The following BCL2L14 variants were observed in gnomAD, a reference collection of about 807,000 sequenced individuals.
BCL2L14 encodes apoptosis facilitator Bcl-2-like protein 14.
BCL2L14 carries 27 observed loss-of-function variants against 35.3 expected under a neutral mutation model. The ratio of observed to expected loss-of-function variants is 0.76; its 90% CI spans 0.56 to 1.05. The LOEUF (loss-of-function observed/expected upper bound fraction) is 1.05, where lower values mean the gene tolerates loss of function less well. Among genes scored for constraint, BCL2L14 ranks in the 50% least tolerant of loss-of-function variants. BCL2L14 has a pLI of 0.00. For missense variants in BCL2L14, 377 were observed against 382.6 expected, an observed-to-expected ratio of 0.99 and a Z score of 0.12; for synonymous variants, 139 against 145.9, an observed-to-expected ratio of 0.95 and a Z score of 0.34.
intron 1 of BCL2L14, among the ~76,000 whole-genome samples, chr12:12,078,716 A>G (rs1377042458): frequency 3.3e-5 from 5 of 152,134 alleles, no homozygotes; most frequent in Admixed American, 6.5e-5. Context: ...CTTTCTTTGA[A>G]GCTCACCTAT....
At chr12:12,088,120 G>A (rs1248664637) in intron 3 of BCL2L14, among the ~76,000 whole-genome samples, 1 of 152,188 alleles carries the variant, frequency 6.6e-6, no homozygotes, top group African/African-American at 2.4e-5. Flanking sequence ...AGGGAATCGA[G>A]GACATGGACA....
chr12:12,087,403 T>C lies in BCL2L14; in HGVS notation c.607+17T>C. 2 of 1,612,136 alleles carry C rather than the reference T, an allele frequency of 1.2e-6. No individual in the cohort carries two copies. Among genetic ancestry groups the C allele is most frequent in the Non-Finnish European group, 1.7e-6 (2 of 1,178,998 alleles). On this transcript the variant is annotated intron_variant, in intron 3 of 5. Transcript: ENST00000308721. ...CTAAGAAAGGTAAGCTTTCCTTCCC[T>C]GGGTGGAGTGTTTGCCAGGCAGGGG...
intron 4 of BCL2L14, among the ~76,000 whole-genome samples, chr12:12,093,858 G>A (rs1949252145): frequency 6.6e-6 from 1 of 151,392 alleles, no homozygotes; most frequent in Non-Finnish European, 1.5e-5. Context: ...ACTCATGCCT[G>A]TAATCCCAAC....
intron 2 of BCL2L14, among the ~76,000 whole-genome samples, chr12:12,086,499 G>A (rs762634983): frequency 2.6e-5 from 4 of 152,202 alleles, no homozygotes; most frequent in Non-Finnish European, 5.9e-5. Context: ...CCATTTCACC[G>A]TCCTATCTCA....
intron 1 of BCL2L14, among the ~76,000 whole-genome samples, chr12:12,075,439 T>A (rs1948761342): frequency 6.7e-6 from 1 of 149,486 alleles, no homozygotes; most frequent in Non-Finnish European, 1.5e-5. Flanking sequence ...CTTTCTTTTT[T>A]TTTTGAGACG....
intron 5 of BCL2L14, 69 bp downstream of exon 5, chr12:12,094,999 T>C (rs1410875866): frequency 6.5e-7 from 1 of 1,541,384 alleles, no homozygotes; most frequent in South Asian, 1.2e-5. Context: ...TTTTTTTTTT[T>C]TTTTAAATGA....
chr12:12,087,619 G>A (rs1269225491), intron 3 of BCL2L14, among the ~76,000 whole-genome samples: 1 of 152,246 alleles, frequency 6.6e-6, no homozygotes, highest in Admixed American at 6.5e-5. Context: ...AGAAAGGAAA[G>A]TCTCCTACAG....
intron 2 of BCL2L14, among the ~76,000 whole-genome samples, chr12:12,053,370 G>C (rs1055232626): frequency 6.6e-6 from 1 of 151,806 alleles, no homozygotes; most frequent in African/African-American, 2.4e-5. Flanking sequence ...CAGCTCAGGG[G>C]ACACAATCTA....
At chr12:12,089,062 A>C (rs1316351150) in intron 3 of BCL2L14, among the ~76,000 whole-genome samples, 1 of 152,200 alleles carries the variant, frequency 6.6e-6, no homozygotes, top group Non-Finnish European at 1.5e-5. Context: ...GACAGATCTT[A>C]CTCAGTGTAG....
At chr12:12,058,252 T>TC (rs1437654843) in intron 2 of BCL2L14, among the ~76,000 whole-genome samples, 1 of 144,990 alleles carries the variant, frequency 6.9e-6, no homozygotes, top group Non-Finnish European at 1.5e-5. Context: ...GTGCCCAGAC[T>TC]CTTTTTTTTT....
rs185649157 is a variant in BCL2L14, at chr12:12,095,023, A to G, written c.945+93A>G. ...TTTTTTAAATGAAGGGAACACATCT[A>G]TGAAGCAGTTCTCATGAGTTTAGGA... On this transcript the variant is annotated intron_variant, in intron 5 of 5. Transcript: ENST00000308721. The G allele has an allele frequency of 4.7e-6, 7 of 1,489,662 alleles. No homozygotes were observed. In the Admixed American group the frequency reaches 1.4e-4, roughly 30 times the overall value. The allele number at this position is 1,489,662 out of a possible 1,614,324, so 92.3% of individuals were successfully genotyped here. A position where few individuals can be genotyped will look rare whatever the true frequency, so the allele number is the denominator to read the frequency against.
At chr12:12,084,392 G>C (rs1377419014) in intron 2 of BCL2L14, among the ~76,000 whole-genome samples, 2 of 152,110 alleles carry the variant, frequency 1.3e-5, no homozygotes, top group Non-Finnish European at 2.9e-5. Flanking sequence ...ACATTTTAGA[G>C]GTCTGTTACT....
chr12:12,096,504 T>G (rs1204020568), intron 5 of BCL2L14, among the ~76,000 whole-genome samples: 1 of 145,166 alleles, frequency 6.9e-6, no homozygotes, highest in Non-Finnish European at 1.5e-5. Flanking sequence ...AAAAGACATA[T>G]CTAAATACAT....
intron 1 of BCL2L14, chr12:12,078,140 C>G (rs774177077): frequency 1.1e-5 from 2 of 183,506 alleles, no homozygotes; most frequent in Non-Finnish European, 2.4e-5. Context: ...AAACTTTGAA[C>G]AGCTCTCCAT....
At chr12:12,075,209 G>A (rs2136737619) in intron 1 of BCL2L14, among the ~76,000 whole-genome samples, 1 of 151,712 alleles carries the variant, frequency 6.6e-6, no homozygotes, top group East Asian at 1.9e-4. Flanking sequence ...TGCAACCTTT[G>A]CCTCCCAGGT....
chr12:12,071,905 G>T (rs150883393), intron 1 of BCL2L14: 170 of 153,038 alleles, frequency 1.1e-3, no homozygotes, highest in Middle Eastern at 3.3e-3. Flanking sequence ...CTGAAGTGAG[G>T]GGGAGAGGAG....
In BCL2L14 at chr12:12,079,476, C is replaced by A; in HGVS notation, c.171C>A (p.Gly57=). 6.2e-7 allele frequency: 1 copy of A among 1,614,256 alleles called. No individual in the cohort carries two copies. Among genetic ancestry groups the A allele is most frequent in the Non-Finnish European group, 8.5e-7 (1 of 1,180,052 alleles). ...GAACAAGAAGTTTGTCCCAGAGGGG[C>A]CTGGGGAATTGTTCAGCAAATGAGT... ...LLRTRSLSQR[G]LGNCSANESW... Residue 57 remains glycine, a synonymous_variant, in exon 2 of 6, where the codon GGC becomes GGA. Coordinates refer to ENST00000308721, the MANE Select transcript of BCL2L14 (RefSeq NM_138723.2).
chr12:12,086,343 G>C (rs1017732686), intron 2 of BCL2L14, among the ~76,000 whole-genome samples: 3 of 151,996 alleles, frequency 2.0e-5, no homozygotes, highest in Admixed American at 1.3e-4. Flanking sequence ...ACAAATAAAA[G>C]GTTAGAACTT....
intron 2 of BCL2L14, among the ~76,000 whole-genome samples, chr12:12,083,534 G>A (rs1426478234): frequency 6.6e-6 from 1 of 152,158 alleles, no homozygotes; most frequent in Admixed American, 6.5e-5. Flanking sequence ...GATATACAGT[G>A]GAACACTCAA....
Sources: allele counts gnomAD v4.1 joint callset (sites outside exome capture counted in the v4.1 genomes callset), GRCh38; gene constraint gnomAD v4.1.1; transcripts MANE v1.5; gene names NCBI Gene and HGNC (gene_info 2026-07-23, HGNC 2026-07-21).